WDPCP: variants seen among roughly 807,000 people sequenced by gnomAD.
WDPCP encodes WD repeat-containing and planar cell polarity effector protein fritz homolog.
WDPCP carries 71 observed loss-of-function variants against 93.1 expected under a neutral mutation model. The ratio of observed to expected loss-of-function variants is 0.76; its 90% CI spans 0.63 to 0.93. WDPCP has a LOEUF of 0.93. WDPCP is among the 40% of genes least tolerant of loss of function. The pLI is 0.00. For synonymous variants in WDPCP, 315 were observed against 315.0 expected (o/e 1.00, Z 0.00); for missense variants, 844 against 887.4 (o/e 0.95, Z 0.62).
chr2:63,765,696 G>A (rs148798671), intron 2 of WDPCP, among the ~76,000 whole-genome samples: 201 of 152,322 alleles, frequency 1.3e-3, no homozygotes, highest in African/African-American at 4.5e-3. Context: ...TCTGGATCAA[G>A]TCTCAGACCA....
At chr2:63,802,441 T>A (rs1394378652) in intron 2 of WDPCP, among the ~76,000 whole-genome samples, 1 of 152,054 alleles carries the variant, frequency 6.6e-6, no homozygotes, top group African/African-American at 2.4e-5. Context: ...ATTTTCTCCA[T>A]ATAACAATAT....
At chr2:63,511,245 G>A (rs1209152337) in intron 1 of WDPCP, among the ~76,000 whole-genome samples, 1 of 152,184 alleles carries the variant, frequency 6.6e-6, no homozygotes, top group African/African-American at 2.4e-5. Context: ...GGAAATCAGA[G>A]AGGACACAAA....
At chr2:63,537,489 C>T (rs980581617) in intron 1 of WDPCP, among the ~76,000 whole-genome samples, 1 of 152,194 alleles carries the variant, frequency 6.6e-6, no homozygotes, top group African/African-American at 2.4e-5. Context: ...ATACACAAGA[C>T]CATGCATGAA....
At chr2:63,750,845 A>G (rs1358006734) in intron 2 of WDPCP, among the ~76,000 whole-genome samples, 1 of 152,106 alleles carries the variant, frequency 6.6e-6, no homozygotes, top group Admixed American at 6.5e-5. Context: ...GTCACTGTAT[A>G]TTATTACTGA....
At chr2:63,689,247 G>A (rs1043692501) in intron 2 of WDPCP, among the ~76,000 whole-genome samples, 1 of 152,090 alleles carries the variant, frequency 6.6e-6, no homozygotes, top group Admixed American at 6.5e-5. Context: ...AAATGATCCA[G>A]GGTATTGTCA....
chr2:63,647,377 A>T (rs1379593783), intron 3 of WDPCP, among the ~76,000 whole-genome samples: 1 of 152,070 alleles, frequency 6.6e-6, no homozygotes, highest in Non-Finnish European at 1.5e-5. Flanking sequence ...CTCATGATCC[A>T]CCTGCCTCGG....
At chr2:63,816,762 G>A (rs1670938142) in intron 1 of WDPCP, among the ~76,000 whole-genome samples, 1 of 152,140 alleles carries the variant, frequency 6.6e-6, no homozygotes, top group Admixed American at 6.5e-5. Flanking sequence ...TAAAAATGTG[G>A]TATATTCATA....
intron 2 of WDPCP, among the ~76,000 whole-genome samples, chr2:63,714,459 T>C (rs548734966): frequency 6.6e-6 from 1 of 152,268 alleles, no homozygotes; most frequent in Admixed American, 6.5e-5. Context: ...GTGGGTTTTC[T>C]CTTTCAAAAA....
At chr2:63,160,472 T>C (rs79434162) in intron 15 of WDPCP, among the ~76,000 whole-genome samples, 2,069 of 152,300 alleles carry the variant, frequency 0.014, 55 homozygotes, top group African/African-American at 0.048. Context: ...ACAAAGAATA[T>C]TGACCACAAT....
intron 1 of WDPCP, among the ~76,000 whole-genome samples, chr2:63,516,063 T>C (rs1702534568): frequency 6.6e-6 from 1 of 152,106 alleles, no homozygotes; most frequent in African/African-American, 2.4e-5. Flanking sequence ...AAGGTAGTAT[T>C]TCCCTACTTT....
At chr2:63,548,816 C>G (rs372604889) in intron 1 of WDPCP, among the ~76,000 whole-genome samples, 1 of 151,970 alleles carries the variant, frequency 6.6e-6, no homozygotes, top group African/African-American at 2.4e-5. Flanking sequence ...CTAACTAATT[C>G]AGCTAGAACT....
In WDPCP at chr2:63,765,022, A is replaced by G. The variant is rs192587820; in HGVS notation, n.308+48600T>C. On this transcript the variant is annotated intron_variant and non_coding_transcript_variant, in intron 2 of 4. Transcript: ENST00000467687. The stretch of plus-strand genomic sequence containing the variant: ...TCAACAAAGATGTGTGGAAAGCACT[A>G]TGTGCTGGGCATTTGTTAAACATGG... Among the ~76,000 whole-genome samples the G allele has an allele frequency of 1.8e-4, 28 of 152,332 alleles. 1 individual carries two copies. The highest frequency in any genetic ancestry group is 6.3e-4 in the African/African-American group (26 of 41,582).
At chr2:63,529,117 G>C (rs1703601801) in intron 1 of WDPCP, among the ~76,000 whole-genome samples, 1 of 152,194 alleles carries the variant, frequency 6.6e-6, no homozygotes, top group Non-Finnish European at 1.5e-5. Context: ...ATTTTGGGCT[G>C]AGACGAGGGG....
At chr2:63,822,757 G>A (rs1213452412) in intron 1 of WDPCP, among the ~76,000 whole-genome samples, 3 of 151,960 alleles carry the variant, frequency 2.0e-5, no homozygotes, top group East Asian at 3.9e-4. Flanking sequence ...GTGGTGGCAC[G>A]CAGTGGTAGT....
chr2:63,259,295 G>A lies in WDPCP; in HGVS notation c.1915+12C>T, dbSNP rs774811134. 15 of 1,607,096 alleles carry A rather than the reference G, an allele frequency of 9.3e-6. No homozygotes were observed. Among genetic ancestry groups the A allele is most frequent in the Admixed American group, 3.3e-5 (2 of 59,976 alleles). ...AAAATAAAAAGCACTTAAAAATAGC[G>A]TTAATTCTTACCAACCCCAGAGGTT... On this transcript the variant is annotated intron_variant, in intron 14 of 17. Transcript: ENST00000272321.
intron 14 of WDPCP, among the ~76,000 whole-genome samples, chr2:63,207,569 T>A (rs1676438188): frequency 6.6e-6 from 1 of 152,216 alleles, no homozygotes; most frequent in Non-Finnish European, 1.5e-5. Flanking sequence ...CTTGAGTATC[T>A]TAAATATATT....
At chr2:63,823,544 CATAAAAG>C (rs1671061793) in intron 1 of WDPCP, among the ~76,000 whole-genome samples, 1 of 152,004 alleles carries the variant, frequency 6.6e-6, no homozygotes, top group Non-Finnish European at 1.5e-5. Flanking sequence ...TTCCAACCTA[CATAAAAG>C]ATAGAAGATA....
chr2:63,209,411 A>G (rs185412770), intron 14 of WDPCP, among the ~76,000 whole-genome samples: 16 of 152,332 alleles, frequency 1.1e-4, no homozygotes, highest in Admixed American at 1.0e-3. Flanking sequence ...TATAGTTGCT[A>G]CTGCCACTTA....
intron 1 of WDPCP, among the ~76,000 whole-genome samples, chr2:63,814,269 T>C (rs1347614203): frequency 6.6e-6 from 1 of 152,066 alleles, no homozygotes. Flanking sequence ...GAGATAGTCA[T>C]GTGACACATT....
Sources: allele counts gnomAD v4.1 joint callset (sites outside exome capture counted in the v4.1 genomes callset), GRCh38; gene constraint gnomAD v4.1.1; transcripts MANE v1.5; gene names NCBI Gene and HGNC (gene_info 2026-07-23, HGNC 2026-07-21).